Variants in NAALADL2 observed in about 807,000 individuals in gnomAD.
NAALADL2 encodes inactive N-acetylated-alpha-linked acidic dipeptidase-like protein 2.
NAALADL2 carries 76 observed loss-of-function variants against 87.2 expected under a neutral mutation model. That is an observed-to-expected ratio of 0.87 (90% CI 0.72 to 1.05). The LOEUF (loss-of-function observed/expected upper bound fraction) is 1.05. NAALADL2 is among the 50% of genes least tolerant of loss of function. The probability of loss-of-function intolerance (pLI) is 0.00; values close to 1 mark genes in which losing one functional copy is unlikely to be tolerated. For missense variants in NAALADL2, 1,089 were observed against 945.8 expected, an observed-to-expected ratio of 1.15 and a Z score of -1.99; for synonymous variants, 354 against 331.0, an observed-to-expected ratio of 1.07 and a Z score of -0.75.
intron 5 of NAALADL2, among the ~76,000 whole-genome samples, chr3:175,400,547 A>G (rs1770432017): frequency 6.6e-6 from 1 of 152,192 alleles, no homozygotes; most frequent in Non-Finnish European, 1.5e-5. Flanking sequence ...AAGCACCTAC[A>G]TTGAAAGCAC....
In NAALADL2 at chr3:174,602,890, G is replaced by A. The variant is rs540954183; in HGVS notation, c.-115+52253G>A. On this transcript the variant is annotated intron_variant, in intron 2 of 3. Transcript: ENST00000434257. ...CTGTATCAATTGAAATGATCATATG[G>A]TTTTTATTCTTCATTCTGTTGATGT... 3.3e-5 allele frequency among the ~76,000 whole-genome samples: 5 copies of A among 151,966 alleles called. No individual in the cohort carries two copies. The South Asian group carries it at 8.3e-4, about 25-fold the overall frequency.
chr3:174,800,413 G>A (rs953945568), intron 3 of NAALADL2, among the ~76,000 whole-genome samples: 1 of 152,194 alleles, frequency 6.6e-6, no homozygotes, highest in Non-Finnish European at 1.5e-5. Context: ...TCCATGTGGT[G>A]TTGAGCCTGC....
intron 5 of NAALADL2, among the ~76,000 whole-genome samples, chr3:175,327,025 A>G (rs181024114): frequency 3.3e-4 from 50 of 152,304 alleles, no homozygotes; most frequent in Non-Finnish European, 4.7e-4. Context: ...TAAAGAAGTA[A>G]TTTAGAACAA....
chr3:175,099,739 G>T (rs923266286), intron 2 of NAALADL2, among the ~76,000 whole-genome samples: 36 of 152,164 alleles, frequency 2.4e-4, no homozygotes, highest in Non-Finnish European at 4.9e-4. Context: ...ACCTATGTCA[G>T]TTCTTATCAA....
chr3:175,446,111 A>T (rs1385884636), intron 5 of NAALADL2, among the ~76,000 whole-genome samples: 1 of 152,002 alleles, frequency 6.6e-6, no homozygotes, highest in African/African-American at 2.4e-5. Flanking sequence ...TGTTTTTGGT[A>T]TTTTTAGATA....
rs529636412 is a variant in NAALADL2, at chr3:175,193,207, C to A, written c.546-40724C>A. ...ACATAGATTCCAGATCTACCACTTACTAGTTGTGTGTTTTTTTTTCAAATT... is the reference window on the plus strand; with the variant it reads ...ACATAGATTCCAGATCTACCACTTAATAGTTGTGTGTTTTTTTTTCAAATT... On this transcript the variant is annotated intron_variant, in intron 2 of 13. Transcript: ENST00000454872. Among the ~76,000 whole-genome samples, 7 of 151,814 alleles carry A rather than the reference C, an allele frequency of 4.6e-5. No individual in the cohort carries two copies. In the East Asian group the frequency reaches 1.4e-3, roughly 29 times the overall value.
intron 3 of NAALADL2, among the ~76,000 whole-genome samples, chr3:174,751,684 T>C (rs931018365): frequency 9.1e-5 from 13 of 142,910 alleles, no homozygotes; most frequent in African/African-American, 3.3e-4. Flanking sequence ...AAAAAAGTTA[T>C]TAATGGATTT....
rs188868249 is a variant in NAALADL2 at position 174,503,413 on chromosome 3, A to T, written c.-183-47156A>T. On this transcript the variant is annotated intron_variant, in intron 1 of 3. Coordinates refer to the NAALADL2 transcript ENST00000434257. The stretch of plus-strand genomic sequence containing the variant: ...AGTCAGTAATTAAAACAACACAAAA[A>T]TTTTTTTAAAAAAGGAGTTAATCAA... Among the ~76,000 whole-genome samples the T allele has an allele frequency of 9.8e-3, 1,497 of 152,230 alleles. 10 individuals carry two copies. The highest frequency in any genetic ancestry group is 0.015 in the Non-Finnish European group (1,017 of 67,986).
chr3:175,064,919 A>G (rs2109104191), intron 1 of NAALADL2, among the ~76,000 whole-genome samples: 1 of 152,272 alleles, frequency 6.6e-6, no homozygotes, highest in East Asian at 1.9e-4. Context: ...CTTTTTTGTT[A>G]CCTTAAGATA....
intron 5 of NAALADL2, among the ~76,000 whole-genome samples, chr3:175,394,205 C>A (rs368258692): frequency 1.3e-5 from 2 of 151,774 alleles, no homozygotes; most frequent in East Asian, 3.9e-4. Flanking sequence ...CAAAAACAGA[C>A]CAAATGAAAT....
In NAALADL2 at chr3:175,358,398, G is replaced by A. The variant is rs1026902915; in HGVS notation, c.1090+34073G>A. 5.9e-5 allele frequency among the ~76,000 whole-genome samples: 9 copies of A among 151,690 alleles called. 1 individual carries two copies. The highest frequency in any genetic ancestry group is 2.2e-4 in the African/African-American group (9 of 41,388). ...CCTTAGGAGTCTGATTCAATTACTG[G>A]ATTAAGAAGCCATTCTATTTTTTTA... On this transcript the variant is annotated intron_variant, in intron 5 of 13. Coordinates refer to ENST00000454872, the MANE Select transcript of NAALADL2 (RefSeq NM_207015.3).
chr3:175,545,904 T>C lies in NAALADL2; in HGVS notation c.1654-30137T>C, dbSNP rs6762248. Among the ~76,000 whole-genome samples the C allele has an allele frequency of 8.9e-3, 1,351 of 152,284 alleles. 24 individuals carry two copies. The highest frequency in any genetic ancestry group is 0.031 in the African/African-American group (1,284 of 41,580). Reference sequence around the variant, plus strand: ...GATGAACTTAACAAAATATTTGCTATGTGCCTACTTTCTGCAAGACAAAGT... The same window carrying C: ...GATGAACTTAACAAAATATTTGCTACGTGCCTACTTTCTGCAAGACAAAGT... On this transcript the variant is annotated intron_variant, in intron 9 of 13. Transcript: ENST00000454872.
intron 2 of NAALADL2, among the ~76,000 whole-genome samples, chr3:175,191,434 T>A (rs1738191415): frequency 6.6e-6 from 1 of 152,130 alleles, no homozygotes; most frequent in South Asian, 2.1e-4. Flanking sequence ...TAACATAGGA[T>A]ATACTGGTCA....
At chr3:174,943,209 T>G (rs1040849351) in intron 1 of NAALADL2, among the ~76,000 whole-genome samples, 1 of 152,136 alleles carries the variant, frequency 6.6e-6, no homozygotes, top group African/African-American at 2.4e-5. Flanking sequence ...TCAGTAGACT[T>G]ATTTGTTTGG....
intron 9 of NAALADL2, among the ~76,000 whole-genome samples, chr3:175,556,806 C>G (rs1208282327): frequency 5.9e-5 from 9 of 151,936 alleles, no homozygotes; most frequent in Admixed American, 5.9e-4. Context: ...ATCTCTTATC[C>G]CTTATTTATT....
At chr3:175,688,033 C>G (rs995040115) in intron 11 of NAALADL2, among the ~76,000 whole-genome samples, 1 of 152,090 alleles carries the variant, frequency 6.6e-6, no homozygotes, top group South Asian at 2.1e-4. Context: ...ATAAAAACAA[C>G]CTAACACAAT....
chr3:175,163,259 G>A (rs1407589239), intron 2 of NAALADL2, among the ~76,000 whole-genome samples: 1 of 151,930 alleles, frequency 6.6e-6, no homozygotes, highest in East Asian at 1.9e-4. Context: ...CTGACACAAA[G>A]GCAAAGTTCA....
intron 8 of NAALADL2, among the ~76,000 whole-genome samples, 171 bp downstream of exon 8, chr3:175,467,355 C>T (rs975732449): frequency 6.7e-6 from 1 of 149,504 alleles, no homozygotes; most frequent in African/African-American, 2.5e-5. Flanking sequence ...AGCTAGACCA[C>T]AGCAAACTAC....
chr3:175,670,396 T>A (rs912160846), intron 11 of NAALADL2, among the ~76,000 whole-genome samples: 1 of 144,888 alleles, frequency 6.9e-6, no homozygotes, highest in Non-Finnish European at 1.5e-5. Context: ...CATTTAATTA[T>A]ATTAAATTTA....
Sources: allele counts gnomAD v4.1 joint callset (sites outside exome capture counted in the v4.1 genomes callset), GRCh38; gene constraint gnomAD v4.1.1; transcripts MANE v1.5; gene names NCBI Gene and HGNC (gene_info 2026-07-23, HGNC 2026-07-21).